FREM3: variants seen among roughly 807,000 people sequenced by gnomAD.
FREM3 encodes FRAS1 related extracellular matrix 3, also known as FRAS1-related extracellular matrix protein 3.
In FREM3, 105 loss-of-function variants were observed where a neutral mutation model predicts 129.1. The observed-to-expected ratio is 0.81, with a 90% confidence interval of 0.69 to 0.96. The LOEUF (loss-of-function observed/expected upper bound fraction) is 0.96, where lower values mean the gene tolerates loss of function less well. FREM3 is among the 40% of genes least tolerant of loss of function. The pLI is 0.00. For synonymous variants in FREM3, 1,014 were observed against 1,044.9 expected (o/e 0.97, Z 0.57); for missense variants, 2,593 against 2,666.3 (o/e 0.97, Z 0.61).
chr4:143,685,626 G>T (rs1740349300), intron 2 of FREM3, among the ~76,000 whole-genome samples: 1 of 152,106 alleles, frequency 6.6e-6, no homozygotes, highest in Admixed American at 6.5e-5. Flanking sequence ...AAAAATCAAA[G>T]TACATAGGCA....
rs527611741 is a variant in FREM3, at chr4:143,691,142, C to T, written c.5275+1971G>A. Reference sequence around the variant, plus strand: ...TGTTTAATTAGTTTATGTATATGTACTTTAAGATACAGCTATGAATGAATG... The same window carrying T: ...TGTTTAATTAGTTTATGTATATGTATTTTAAGATACAGCTATGAATGAATG... On this transcript the variant is annotated intron_variant, in intron 2 of 7. Transcript: ENST00000329798. 6.6e-5 allele frequency among the ~76,000 whole-genome samples: 10 copies of T among 152,288 alleles called. No homozygotes were observed. In the South Asian group the frequency reaches 1.9e-3, roughly 28 times the overall value.
chr4:143,581,642 G>A (rs1560832468), intron 7 of FREM3, among the ~76,000 whole-genome samples: 1 of 151,992 alleles, frequency 6.6e-6, no homozygotes, highest in Admixed American at 6.5e-5. Flanking sequence ...AGAGTCTGAG[G>A]GCTTTACTCA....
chr4:143,610,125 C>T lies in FREM3; in HGVS notation c.6028+1154G>A, dbSNP rs888371756. 3.3e-5 allele frequency among the ~76,000 whole-genome samples: 5 copies of T among 152,098 alleles called. No individual in the cohort carries two copies. In the East Asian group the frequency reaches 9.6e-4, roughly 29 times the overall value. ...TCAGGGCCTGTCCTTATTCTTAGCT[C>T]TTGATACTTGTAAAGATGTGTTTTG... On this transcript the variant is annotated intron_variant, in intron 6 of 7. Transcript: ENST00000329798.
At chr4:143,657,435 C>G (rs745442826) in intron 2 of FREM3, among the ~76,000 whole-genome samples, 1 of 152,180 alleles carries the variant, frequency 6.6e-6, no homozygotes, top group Non-Finnish European at 1.5e-5. Flanking sequence ...GCTGTTCAAC[C>G]TCTTCATTTT....
chr4:143,660,223 C>T (rs1229733820), intron 2 of FREM3, among the ~76,000 whole-genome samples: 2 of 151,328 alleles, frequency 1.3e-5, no homozygotes, highest in Non-Finnish European at 2.9e-5. Context: ...TTAGGTCTAA[C>T]ATTTAAGTCT....
At chr4:143,694,485 A>G (rs1740530049) in intron 1 of FREM3, among the ~76,000 whole-genome samples, 1 of 152,148 alleles carries the variant, frequency 6.6e-6, no homozygotes. Context: ...ATGTTTTTAT[A>G]TTGGTAATTA....
intron 6 of FREM3, among the ~76,000 whole-genome samples, chr4:143,586,624 C>T (rs1034384696): frequency 2.0e-5 from 3 of 152,076 alleles, no homozygotes; most frequent in Non-Finnish European, 2.9e-5. Context: ...CAGGCTTCAG[C>T]GGTGGGTAGA....
intron 2 of FREM3, among the ~76,000 whole-genome samples, chr4:143,644,241 G>T (rs149622339): frequency 6.6e-6 from 1 of 151,740 alleles, no homozygotes; most frequent in African/African-American, 2.4e-5. Context: ...TCCCAGGGCC[G>T]CTTTCTGTTT....
At chr4:143,667,579 C>T (rs1404604863) in intron 2 of FREM3, among the ~76,000 whole-genome samples, 1 of 152,126 alleles carries the variant, frequency 6.6e-6, no homozygotes, top group Non-Finnish European at 1.5e-5. Context: ...GGCACACATT[C>T]TGCTTTGTTT....
chr4:143,590,626 T>A (rs1442078259), intron 6 of FREM3, among the ~76,000 whole-genome samples: 1 of 152,260 alleles, frequency 6.6e-6, no homozygotes, highest in East Asian at 1.9e-4. Context: ...GATGTGTTGC[T>A]GGATTCAATT....
At chr4:143,592,918 C>T (rs529403857) in intron 6 of FREM3, among the ~76,000 whole-genome samples, 214 of 152,318 alleles carry the variant, frequency 1.4e-3, no homozygotes, top group Middle Eastern at 6.8e-3. Context: ...TCCCATATTT[C>T]TTGGAGGCTT....
chr4:143,654,028 A>G (rs1739554908), intron 2 of FREM3, among the ~76,000 whole-genome samples: 1 of 152,234 alleles, frequency 6.6e-6, no homozygotes. Flanking sequence ...AGGTAGTTGA[A>G]CTAATACCTT....
intron 2 of FREM3, among the ~76,000 whole-genome samples, chr4:143,647,161 A>G (rs1739432444): frequency 6.6e-6 from 1 of 152,224 alleles, no homozygotes; most frequent in African/African-American, 2.4e-5. Context: ...ATGCTTTAGC[A>G]AAGAGACTGG....
intron 2 of FREM3, among the ~76,000 whole-genome samples, chr4:143,648,772 G>A (rs1360637854): frequency 6.6e-6 from 1 of 152,172 alleles, no homozygotes; most frequent in Admixed American, 6.5e-5. Flanking sequence ...AGCTGTGTGA[G>A]AATGGACTAA....
chr4:143,631,101 C>T (rs1739129742), intron 2 of FREM3, among the ~76,000 whole-genome samples: 1 of 152,086 alleles, frequency 6.6e-6, no homozygotes, highest in Non-Finnish European at 1.5e-5. Context: ...ATAAATGGCT[C>T]CCTGGTGTAT....
intron 2 of FREM3, among the ~76,000 whole-genome samples, chr4:143,686,922 A>C (rs1740379618): frequency 6.6e-6 from 1 of 152,188 alleles, no homozygotes; most frequent in East Asian, 1.9e-4. Flanking sequence ...CTGGAGAAAC[A>C]AGAACAAACC....
At chr4:143,602,111 G>A (rs1009242363) in intron 6 of FREM3, among the ~76,000 whole-genome samples, 5 of 152,180 alleles carry the variant, frequency 3.3e-5, no homozygotes, top group African/African-American at 1.2e-4. Context: ...TATCTAACAT[G>A]TGCCTAAACT....
chr4:143,675,426 C>T (rs1019434487), intron 2 of FREM3, among the ~76,000 whole-genome samples: 5 of 151,992 alleles, frequency 3.3e-5, no homozygotes, highest in African/African-American at 1.2e-4. Context: ...TAAATGCCCA[C>T]AAGAGAAAGC....
chr4:143,586,373 G>A (rs1249211316), intron 6 of FREM3, among the ~76,000 whole-genome samples: 1 of 152,034 alleles, frequency 6.6e-6, no homozygotes, highest in Admixed American at 6.5e-5. Flanking sequence ...GGCTTTTTTT[G>A]GCAGGGAGAA....
Sources: allele counts gnomAD v4.1 joint callset (sites outside exome capture counted in the v4.1 genomes callset), GRCh38; gene constraint gnomAD v4.1.1; transcripts MANE v1.5; gene names NCBI Gene and HGNC (gene_info 2026-07-23, HGNC 2026-07-21).